IGSF21: variants seen among roughly 807,000 people sequenced by gnomAD.
IGSF21 encodes the protein immunoglobin superfamily member 21, also known as immunoglobulin superfamily member 21.
A neutral mutation model predicts 46.8 loss-of-function variants in IGSF21; 28 were observed. That is an observed-to-expected ratio of 0.60 (90% CI 0.44 to 0.82). The LOEUF (loss-of-function observed/expected upper bound fraction) is 0.82. IGSF21 is among the 40% of genes least tolerant of loss of function. The pLI, the probability that IGSF21 is intolerant of heterozygous loss-of-function variation, is 0.00. For synonymous variants in IGSF21, 284 were observed against 273.6 expected (o/e 1.04, Z -0.38); for missense variants, 624 against 665.5 (o/e 0.94, Z 0.69).
At chr1:18,336,866 G>A (rs1439885878) in intron 4 of IGSF21, among the ~76,000 whole-genome samples, 1 of 152,200 alleles carries the variant, frequency 6.6e-6, no homozygotes, top group Non-Finnish European at 1.5e-5. Context: ...GCGGTGGAAG[G>A]TGAAAGACAC....
rs186600499 is a variant in IGSF21 at position 18,358,415 on chromosome 1, C to T, written c.425-3700C>T. On this transcript the variant is annotated intron_variant, in intron 4 of 9. Coordinates refer to ENST00000251296, the MANE Select transcript of IGSF21 (RefSeq NM_032880.5). ...ATATGTTATCAATATATCTTACGCT[C>T]TTCTTAAAAAATTAAGACTTCTGTT... is the stretch of plus-strand genomic sequence containing the variant. Among the ~76,000 whole-genome samples, 353 of 152,328 alleles carry T rather than the reference C, an allele frequency of 2.3e-3. 2 individuals carry two copies. Among genetic ancestry groups the T allele is most frequent in the South Asian group, 6.4e-3 (31 of 4,824 alleles).
chr1:18,223,414 G>A (rs1023184922), intron 1 of IGSF21, among the ~76,000 whole-genome samples: 5 of 150,772 alleles, frequency 3.3e-5, no homozygotes, highest in Non-Finnish European at 7.3e-5. Context: ...CCAGCCAGTA[G>A]CAAGAAGTGG....
At chr1:18,211,989 T>C (rs1300900123) in intron 1 of IGSF21, among the ~76,000 whole-genome samples, 1 of 152,138 alleles carries the variant, frequency 6.6e-6, no homozygotes, top group Non-Finnish European at 1.5e-5. Context: ...AGCCAACAGG[T>C]TGGGCCATCT....
At chr1:18,367,444 C>T (rs76916302) in intron 6 of IGSF21, among the ~76,000 whole-genome samples, 4,332 of 152,070 alleles carry the variant, frequency 0.028, 74 homozygotes, top group Middle Eastern at 0.058. Context: ...TTGTATGTAG[C>T]GGCGTTGAAA....
chr1:18,354,409 G>GA (rs375283226), intron 4 of IGSF21, among the ~76,000 whole-genome samples: 12 of 144,400 alleles, frequency 8.3e-5, no homozygotes, highest in East Asian at 4.0e-4. Context: ...GGAACCAAAA[G>GA]AAAAAAAAAA....
In IGSF21 at chr1:18,374,757, G is replaced by C. The variant is rs114994235; in HGVS notation, c.1016-1553G>C. ...ACATCTGCCAACTGCTCTGATTTCC[G>C]TTCTAAGAGCTTTGCGTCAGAAAGA... On this transcript the variant is annotated intron_variant, in intron 6 of 9. Coordinates refer to ENST00000251296, the MANE Select transcript of IGSF21 (RefSeq NM_032880.5). 5.0e-3 allele frequency among the ~76,000 whole-genome samples: 755 copies of C among 152,258 alleles called. 5 individuals are homozygous for C. The highest frequency in any genetic ancestry group is 0.017 in the African/African-American group (710 of 41,540).
At chr1:18,284,150 A>G (rs1276147535) in intron 2 of IGSF21, among the ~76,000 whole-genome samples, 1 of 152,278 alleles carries the variant, frequency 6.6e-6, no homozygotes, top group South Asian at 2.1e-4. Context: ...ACAAACTCAC[A>G]AAGGCACCAG....
intron 1 of IGSF21, chr1:18,167,856 C>T (rs575339484): frequency 6.6e-6 from 1 of 152,342 alleles, no homozygotes; most frequent in South Asian, 2.1e-4. Flanking sequence ...GTTCCCGGCG[C>T]CCTGGGTGCC....
At chr1:18,279,821 C>T (rs2085140971) in intron 2 of IGSF21, among the ~76,000 whole-genome samples, 1 of 152,248 alleles carries the variant, frequency 6.6e-6, no homozygotes, top group Non-Finnish European at 1.5e-5. Flanking sequence ...CCGGTGCACC[C>T]GCCCCTCGTT....
chr1:18,280,852 G>T (rs1569713050), intron 2 of IGSF21, among the ~76,000 whole-genome samples: 1 of 152,022 alleles, frequency 6.6e-6, no homozygotes, highest in Admixed American at 6.6e-5. Context: ...CCTCCTGTCT[G>T]CCCCGAAGGC....
At chr1:18,295,578 C>T (rs142343337) in intron 3 of IGSF21, among the ~76,000 whole-genome samples, 18 of 152,278 alleles carry the variant, frequency 1.2e-4, no homozygotes, top group African/African-American at 4.3e-4. Flanking sequence ...GCAGGGCCAT[C>T]GAGGAAGGTG....
intron 4 of IGSF21, among the ~76,000 whole-genome samples, chr1:18,340,997 C>T (rs1400832622): frequency 6.4e-4 from 60 of 94,394 alleles, no homozygotes; most frequent in African/African-American, 2.3e-3. Flanking sequence ...TCTTCTTCTC[C>T]TCCTCCTCCT....
At chr1:18,303,428 C>A (rs2085380332) in intron 3 of IGSF21, among the ~76,000 whole-genome samples, 1 of 152,118 alleles carries the variant, frequency 6.6e-6, no homozygotes, top group South Asian at 2.1e-4. Flanking sequence ...GCCCTATGCT[C>A]ATGGAATAGG....
At chr1:18,291,122 G>C (rs1037297054) in intron 2 of IGSF21, among the ~76,000 whole-genome samples, 1 of 152,340 alleles carries the variant, frequency 6.6e-6, no homozygotes, top group East Asian at 1.9e-4. Flanking sequence ...GCAGGCGGGC[G>C]GCAGCTGAGG....
chr1:18,291,369 G>A (rs763595995), intron 2 of IGSF21, among the ~76,000 whole-genome samples: 25 of 152,240 alleles, frequency 1.6e-4, no homozygotes, highest in African/African-American at 4.1e-4. Context: ...GCCTCCTCCC[G>A]GGCTCCCTGC....
intron 2 of IGSF21, among the ~76,000 whole-genome samples, chr1:18,267,935 C>T (rs1411824744): frequency 6.6e-6 from 1 of 152,218 alleles, no homozygotes; most frequent in Non-Finnish European, 1.5e-5. Flanking sequence ...GCCCATAAAG[C>T]TTAAAATAGT....
intron 1 of IGSF21, among the ~76,000 whole-genome samples, chr1:18,214,774 C>T (rs756565022): frequency 1.3e-5 from 2 of 152,184 alleles, no homozygotes; most frequent in Non-Finnish European, 2.9e-5. Flanking sequence ...CTTGCTCTGT[C>T]GCCAGGCTGG....
At chr1:18,138,946 T>C (rs1451663388) in intron 1 of IGSF21, among the ~76,000 whole-genome samples, 1 of 152,160 alleles carries the variant, frequency 6.6e-6, no homozygotes, top group African/African-American at 2.4e-5. Context: ...AGACCTGTCA[T>C]TTTGTCTTCA....
chr1:18,240,564 C>G (rs543237925), intron 2 of IGSF21, among the ~76,000 whole-genome samples: 1 of 152,290 alleles, frequency 6.6e-6, no homozygotes, highest in African/African-American at 2.4e-5. Flanking sequence ...TCCTGAGTGT[C>G]TAGCATGATG....
Sources: allele counts gnomAD v4.1 joint callset (sites outside exome capture counted in the v4.1 genomes callset), GRCh38; gene constraint gnomAD v4.1.1; transcripts MANE v1.5; gene names NCBI Gene and HGNC (gene_info 2026-07-23, HGNC 2026-07-21).